STK24: variants seen among roughly 807,000 people sequenced by gnomAD.
STK24 encodes serine/threonine kinase 24.
In STK24, 21 loss-of-function variants were observed where a neutral mutation model predicts 55.6. That is an observed-to-expected ratio of 0.38 (90% CI 0.27 to 0.54). The LOEUF is 0.54. Ranked by LOEUF, STK24 falls within the 20% of genes least tolerant of loss-of-function variation. STK24 has a pLI of 0.79. For missense variants in STK24, 383 were observed against 538.4 expected (o/e 0.71, Z 2.86); for synonymous variants, 200 against 215.2 (o/e 0.93, Z 0.62).
rs551480024 is a variant in STK24, at chr13:98,471,759, A to T, written c.597+3062T>A. Among the ~76,000 whole-genome samples, 3 of 152,322 alleles carry T rather than the reference A, an allele frequency of 2.0e-5. No homozygotes were observed. In the South Asian group the frequency reaches 6.2e-4, roughly 32 times the overall value. Reference sequence around the variant, plus strand: ...TGGAGGTTTGTATTCCCTTTAGTTCAGTGAGATGAAGAAGCTAGTGAGGCA... The same window carrying T: ...TGGAGGTTTGTATTCCCTTTAGTTCTGTGAGATGAAGAAGCTAGTGAGGCA... On this transcript the variant is annotated intron_variant, in intron 5 of 10. Coordinates refer to ENST00000539966, the MANE Select transcript of STK24 (RefSeq NM_001032296.4).
At chr13:98,513,106 G>A (rs1206207331) in intron 2 of STK24, among the ~76,000 whole-genome samples, 7 of 152,172 alleles carry the variant, frequency 4.6e-5, no homozygotes, top group Non-Finnish European at 7.3e-5. Flanking sequence ...TCACAGCCTC[G>A]AGAACAGAGG....
intron 1 of STK24, chr13:98,542,909 C>T (rs1447529720): frequency 5.1e-6 from 5 of 985,424 alleles, no homozygotes; most frequent in African/African-American, 3.5e-5. Context: ...CCAGAACACG[C>T]GGCCTGACAG....
At position 98,466,499 on chromosome 13, in the gene STK24, G is replaced by C; in HGVS notation, c.660C>G (p.Ser220=). 6.2e-7 allele frequency: 1 copy of C among 1,614,090 alleles called. No homozygotes were observed. Among genetic ancestry groups the C allele is most frequent in the Non-Finnish European group, 8.5e-7 (1 of 1,180,028 alleles). ...ATAAAACTTTCATGGGGTGCAGCTCGGAATGAGGTGGTTCCCCTCTTGCAA... is the reference window on the plus strand; with the variant it reads ...ATAAAACTTTCATGGGGTGCAGCTCCGAATGAGGTGGTTCCCCTCTTGCAA... ...IELARGEPPH[S]ELHPMKVLFL... is the part of the protein sequence containing the mutation. The change falls in exon 6 of 11, where the codon TCC becomes TCG. Residue 220 remains serine, a synonymous_variant. Coordinates refer to ENST00000539966, the MANE Select transcript of STK24 (RefSeq NM_001032296.4).
intron 2 of STK24, among the ~76,000 whole-genome samples, chr13:98,484,865 C>T (rs1322744421): frequency 6.6e-6 from 1 of 152,184 alleles, no homozygotes; most frequent in Non-Finnish European, 1.5e-5. Context: ...AGAAATAACA[C>T]AGCCTTCCCG....
In STK24 at chr13:98,457,262, T is replaced by C. The variant is rs774523403; in HGVS notation, c.1165A>G (p.Ile389Val). The C allele has an allele frequency of 1.9e-6, 3 of 1,613,952 alleles. No individual in the cohort carries two copies. The highest frequency in any genetic ancestry group is 2.2e-5 in the South Asian group (2 of 91,074). ...SQACGGNLGS[I>V]EELRGAIYLA... ...TAGATGGCCCCTCGCAGCTCTTCAATGGACCCCAAGTTCCCTCCGCACGCC... is the reference window on the plus strand; with the variant it reads ...TAGATGGCCCCTCGCAGCTCTTCAACGGACCCCAAGTTCCCTCCGCACGCC... The change falls in exon 10 of 11, where the codon ATT becomes GTT. Residue 389 changes from isoleucine to valine, a missense_variant. Transcript: ENST00000539966.
chr13:98,563,618 G>T (rs1189243009), intron 1 of STK24, among the ~76,000 whole-genome samples: 2 of 152,128 alleles, frequency 1.3e-5, no homozygotes, highest in African/African-American at 4.8e-5. Context: ...CAACATTTTG[G>T]GAGGCTGAGG....
chr13:98,520,638 C>T (rs901938725), intron 1 of STK24, among the ~76,000 whole-genome samples: 3 of 152,218 alleles, frequency 2.0e-5, no homozygotes, highest in Admixed American at 6.5e-5. Context: ...ACTGCAGCAA[C>T]GGCGGTGCCT....
chr13:98,501,115 T>C (rs1318430560), intron 2 of STK24, among the ~76,000 whole-genome samples: 2 of 152,248 alleles, frequency 1.3e-5, no homozygotes, highest in African/African-American at 4.8e-5. Flanking sequence ...CTCTTATGTG[T>C]AGTTTCAAAC....
chr13:98,456,555 A>T (rs1594568008), intron 10 of STK24: 1 of 505,768 alleles, frequency 2.0e-6, no homozygotes, highest in African/African-American at 2.0e-5. Context: ...GTTCCCATGG[A>T]TACTCCTACA....
chr13:98,474,578 C>G (rs1894291684), intron 5 of STK24, among the ~76,000 whole-genome samples: 1 of 152,172 alleles, frequency 6.6e-6, no homozygotes, highest in South Asian at 2.1e-4. Flanking sequence ...CCGCTGCCAC[C>G]AAACAAACAT....
chr13:98,569,054 G>A (rs1897665666), intron 1 of STK24, among the ~76,000 whole-genome samples: 2 of 152,166 alleles, frequency 1.3e-5, no homozygotes, highest in African/African-American at 2.4e-5. Flanking sequence ...CACGAGAAAC[G>A]AAAACAGCCC....
At chr13:98,464,549 T>C (rs924272361) in intron 6 of STK24, among the ~76,000 whole-genome samples, 2 of 144,512 alleles carry the variant, frequency 1.4e-5, no homozygotes, top group Non-Finnish European at 3.0e-5. Flanking sequence ...CAGGCTGGAG[T>C]GCAGTGGCAC....
chr13:98,457,281 G>A lies in STK24; in HGVS notation c.1146C>T (p.Cys382=), dbSNP rs750206901. The change falls in exon 10 of 11, where the codon TGC becomes TGT. Residue 382 remains cysteine (C), a synonymous_variant. Transcript: ENST00000539966. ...CTTCAATGGACCCCAAGTTCCCTCC[G>A]CACGCCTGGCTCTTCTCCTTCAACT... ...FAELKEKSQA[C]GGNLGSIEEL... 12 of 1,613,820 alleles carry A rather than the reference G, an allele frequency of 7.4e-6. No homozygotes were observed. Among genetic ancestry groups the A allele is most frequent in the African/African-American group, 6.7e-5 (5 of 74,890 alleles).
chr13:98,553,158 C>T (rs1230781725), intron 1 of STK24: 1 of 152,208 alleles, frequency 6.6e-6, no homozygotes, highest in Non-Finnish European at 1.5e-5. Flanking sequence ...ATGACAGCCA[C>T]CACGGTAGGC....
intron 1 of STK24, among the ~76,000 whole-genome samples, chr13:98,530,949 C>T (rs1896565255): frequency 2.6e-5 from 4 of 152,148 alleles, no homozygotes; most frequent in Admixed American, 2.6e-4. Context: ...ACAGGGTCTC[C>T]AAAGAGTAAA....
chr13:98,449,091 G>A lies in STK24; in HGVS notation c.*4082C>T, dbSNP rs1239925391. ...GGTGTACACAATGGGAAGATAATAAGCCGTGGTGTTTTGCTGTCTGTCTGT... is the reference window on the plus strand; with the variant it reads ...GGTGTACACAATGGGAAGATAATAAACCGTGGTGTTTTGCTGTCTGTCTGT... On this transcript the variant is annotated 3_prime_UTR_variant, in exon 11 of 11. Coordinates refer to ENST00000539966, the MANE Select transcript of STK24 (RefSeq NM_001032296.4). 1 of 152,196 alleles carries A rather than the reference G, an allele frequency of 6.6e-6. No individual in the cohort carries two copies. Among genetic ancestry groups the A allele is most frequent in the Non-Finnish European group, 1.5e-5 (1 of 68,066 alleles). The allele number at this position is 152,196 out of a possible 1,614,324, so 9.4% of individuals were successfully genotyped here.
Position 98,517,359 on chromosome 13 carries a change from C to T in STK24, c.273+1884G>A, listed in dbSNP as rs145085192. Reference sequence around the variant, plus strand: ...TTAACATCGAGGCCAGGCACAGTGGCTCATGCCTATAATCCCAGCACTTTG... The same window carrying T: ...TTAACATCGAGGCCAGGCACAGTGGTTCATGCCTATAATCCCAGCACTTTG... On this transcript the variant is annotated intron_variant, in intron 2 of 10. Coordinates refer to ENST00000539966, the MANE Select transcript of STK24 (RefSeq NM_001032296.4). Among the ~76,000 whole-genome samples the T allele has an allele frequency of 2.3e-3, 352 of 152,324 alleles. 3 individuals carry two copies. Among genetic ancestry groups the T allele is most frequent in the East Asian group, 0.016 (82 of 5,184 alleles).
At chr13:98,464,495 C>CTTTTTTTTTTTTTTTTTTTTTTA in intron 6 of STK24, among the ~76,000 whole-genome samples, 1 of 106,806 alleles carries the variant, frequency 9.4e-6, no homozygotes, top group Non-Finnish European at 2.0e-5. Context: ...TGTTGTTTAA[C>CTTTTTTTTTTTTTTTTTTTTTTA]TTTTTTTTTT....
At chr13:98,473,184 T>TA (rs1441606585) in intron 5 of STK24, among the ~76,000 whole-genome samples, 1 of 127,632 alleles carries the variant, frequency 7.8e-6, no homozygotes, top group Non-Finnish European at 1.7e-5. Context: ...AAAATGTGCC[T>TA]ACACAGAATG....
Sources: gnomAD v4.1 joint callset for allele counts (sites outside exome capture counted in the v4.1 genomes callset) on GRCh38, gnomAD v4.1.1 for gene constraint, MANE v1.5 for transcripts, NCBI Gene and HGNC (gene_info 2026-07-23, HGNC 2026-07-21) for gene names.